DENND1A: variants seen among roughly 807,000 people sequenced by gnomAD.
DENND1A encodes DENN domain-containing protein 1A.
A neutral mutation model predicts 113.7 loss-of-function variants in DENND1A; 51 were observed. The ratio of observed to expected loss-of-function variants is 0.45; its 90% confidence interval spans 0.36 to 0.57. The LOEUF (loss-of-function observed/expected upper bound fraction) is 0.57. Among genes scored for constraint, DENND1A ranks in the 20% least tolerant of loss-of-function variants. DENND1A has a pLI of 0.00. For missense variants in DENND1A, 1,258 were observed against 1,395.9 expected, an observed-to-expected ratio of 0.90 and a Z score of 1.57; for synonymous variants, 565 against 570.8, an observed-to-expected ratio of 0.99 and a Z score of 0.14.
intron 2 of DENND1A, among the ~76,000 whole-genome samples, chr9:123,823,170 A>C (rs946144220): frequency 1.1e-4 from 17 of 152,224 alleles, no homozygotes; most frequent in Non-Finnish European, 2.2e-4. Context: ...GAAGGAAAAC[A>C]TTAAATGGGA....
chr9:123,763,190 C>A (rs1002469948), intron 4 of DENND1A, among the ~76,000 whole-genome samples: 3 of 151,462 alleles, frequency 2.0e-5, no homozygotes, highest in Non-Finnish European at 1.5e-5. Flanking sequence ...CTGACTTATA[C>A]AGAGAGCAGT....
intron 5 of DENND1A, among the ~76,000 whole-genome samples, chr9:123,707,162 A>C (rs1392184998): frequency 6.6e-6 from 1 of 152,218 alleles, no homozygotes; most frequent in Non-Finnish European, 1.5e-5. Context: ...TGGGAGGCCA[A>C]GGCAGGCGGA....
intron 2 of DENND1A, among the ~76,000 whole-genome samples, chr9:123,876,682 T>TA (rs1405587400): frequency 6.6e-6 from 1 of 152,180 alleles, no homozygotes; most frequent in Non-Finnish European, 1.5e-5. Context: ...ACTCTTAAAA[T>TA]AGTCTCAAAA....
intron 15 of DENND1A, 126 bp downstream of exon 15, chr9:123,457,222 C>A: frequency 1.3e-6 from 1 of 749,324 alleles, no homozygotes. Flanking sequence ...CATTTCAAGG[C>A]CAAGCTTGAA....
chr9:123,484,433 T>C (rs1377647574), intron 13 of DENND1A, among the ~76,000 whole-genome samples: 1 of 152,132 alleles, frequency 6.6e-6, no homozygotes, highest in Non-Finnish European at 1.5e-5. Flanking sequence ...AATCCTTCAA[T>C]GGTTATCATG....
chr9:123,445,505 C>T (rs943028862), intron 18 of DENND1A, among the ~76,000 whole-genome samples: 6 of 152,234 alleles, frequency 3.9e-5, no homozygotes, highest in Non-Finnish European at 2.9e-5. Flanking sequence ...GATTCATTCA[C>T]GCTGGACATG....
At chr9:123,779,949 G>A (rs1452960723) in intron 3 of DENND1A, among the ~76,000 whole-genome samples, 1 of 150,566 alleles carries the variant, frequency 6.6e-6, no homozygotes, top group African/African-American at 2.5e-5. Flanking sequence ...TGCAACCCAG[G>A]GTTCAACCGA....
At chr9:123,589,269 G>A (rs1341439629) in intron 11 of DENND1A, among the ~76,000 whole-genome samples, 1 of 151,936 alleles carries the variant, frequency 6.6e-6, no homozygotes, top group East Asian at 1.9e-4. Flanking sequence ...CATGAAATCT[G>A]TAGGCATAAA....
At chr9:123,685,344 C>T (rs141379907) in intron 5 of DENND1A, among the ~76,000 whole-genome samples, 24 of 152,272 alleles carry the variant, frequency 1.6e-4, no homozygotes, top group East Asian at 9.6e-4. Context: ...AAATTGATTA[C>T]GATATTTAGT....
At chr9:123,490,869 G>A (rs2051314186) in intron 13 of DENND1A, among the ~76,000 whole-genome samples, 1 of 152,232 alleles carries the variant, frequency 6.6e-6, no homozygotes, top group African/African-American at 2.4e-5. Flanking sequence ...CATTGCAAGT[G>A]CTCTGCAGCC....
intron 18 of DENND1A, among the ~76,000 whole-genome samples, chr9:123,447,837 T>C (rs1162750862): frequency 6.8e-6 from 1 of 147,166 alleles, no homozygotes; most frequent in Non-Finnish European, 1.5e-5. Flanking sequence ...ATGTGAGAGG[T>C]CAGGTGCAGC....
chr9:123,878,250 G>A (rs931625850), intron 2 of DENND1A, among the ~76,000 whole-genome samples: 1 of 151,750 alleles, frequency 6.6e-6, no homozygotes, highest in Non-Finnish European at 1.5e-5. Context: ...TTTTGTGGGT[G>A]GACCAAGAGT....
At chr9:123,815,419 C>T (rs533635931) in intron 2 of DENND1A, among the ~76,000 whole-genome samples, 1 of 152,304 alleles carries the variant, frequency 6.6e-6, no homozygotes, top group Admixed American at 6.5e-5. Flanking sequence ...CTAGAAACAA[C>T]TTTAACACAC....
At chr9:123,389,101 G>T (rs1441824488) in intron 21 of DENND1A, among the ~76,000 whole-genome samples, 1 of 152,254 alleles carries the variant, frequency 6.6e-6, no homozygotes. Context: ...CCAAAAAAAG[G>T]ACATGAGAAC....
intron 11 of DENND1A, among the ~76,000 whole-genome samples, chr9:123,605,440 A>C (rs1199750881): frequency 1.3e-5 from 2 of 152,216 alleles, no homozygotes; most frequent in Non-Finnish European, 2.9e-5. Context: ...GAATGAAAGG[A>C]CAGTCACTGT....
intron 1 of DENND1A, among the ~76,000 whole-genome samples, chr9:123,906,183 G>T (rs1327429452): frequency 1.3e-5 from 2 of 148,782 alleles, no homozygotes; most frequent in Admixed American, 6.7e-5. Flanking sequence ...CAACATACCA[G>T]AATCTCTGGG....
intron 21 of DENND1A, among the ~76,000 whole-genome samples, chr9:123,396,071 G>C (rs1042388881): frequency 1.8e-4 from 27 of 152,282 alleles, no homozygotes; most frequent in Non-Finnish European, 3.7e-4. Flanking sequence ...AGGGGATTGT[G>C]GGCGTGGGAG....
intron 5 of DENND1A, among the ~76,000 whole-genome samples, chr9:123,720,084 T>C (rs1205063006): frequency 6.6e-6 from 1 of 152,150 alleles, no homozygotes; most frequent in Admixed American, 6.5e-5. Context: ...AAATGGAAAA[T>C]ATACTCAATT....
Position 123,382,264 on chromosome 9 carries a change from T to C in DENND1A, c.2381A>G (p.Asp794Gly). 1 of 1,610,658 alleles carries C rather than the reference T, an allele frequency of 6.2e-7. No homozygotes were observed. The highest frequency in any genetic ancestry group is 8.5e-7 in the Non-Finnish European group (1 of 1,179,612). Residue 794 changes from aspartate (D) to glycine (G), a missense_variant, in exon 24 of 24, where the codon GAC (aspartate) becomes GGC (glycine). Asp to Gly is a moderately conservative substitution (Grantham distance 94). Around this residue, in one of 2 missense-constraint regions of DENND1A, gnomAD observed 1,159 missense variants for 1,231.7 expected, o/e 0.94. Transcript: ENST00000394215. ...KLQAAGAALGDVSERLQTDRD... is the reference protein window; with the variant it reads ...KLQAAGAALGGVSERLQTDRD... ...ATCCGTCTGCAGCCGCTCTGAGACG[T>C]CACCAAGTGCGGCGCCGGCAGCCTG...
Sources: gnomAD v4.1 joint callset for allele counts (sites outside exome capture counted in the v4.1 genomes callset) on GRCh38, gnomAD v4.1.1 for gene constraint, gnomAD v4.1.1 regional missense constraint, MANE v1.5 for transcripts, NCBI Gene and HGNC (gene_info 2026-07-23, HGNC 2026-07-21) for gene names.